PSEN1: variants seen among roughly 807,000 people sequenced by gnomAD.
PSEN1 encodes the protein presenilin-1.
PSEN1 carries 15 observed loss-of-function variants against 53.5 expected under a neutral mutation model. The observed-to-expected ratio is 0.28, with a 90% CI of 0.19 to 0.43. The LOEUF is 0.43. Ranked by LOEUF, PSEN1 falls within the 20% of genes least tolerant of loss-of-function variation. The pLI is 1.00. For synonymous variants in PSEN1, 208 were observed against 209.8 expected (o/e 0.99, Z 0.08); for missense variants, 387 against 571.2 (o/e 0.68, Z 3.29).
rs575633921 is a variant in PSEN1 at position 73,222,393 on chromosome 14, G to T, written c.*3104G>T. 6.6e-6 allele frequency: 1 copy of T among 152,222 alleles called. No individual in the cohort carries two copies. Among genetic ancestry groups the T allele is most frequent in the South Asian group, 2.1e-4 (1 of 4,824 alleles). The allele number at this position is 152,222 out of a possible 1,614,324, so 9.4% of individuals were successfully genotyped here. ...ATGATGTTTATTACTTGTTATTTACGTGGCCTCAGACAGTGTATGTATTCT... is the reference window on the plus strand; with the variant it reads ...ATGATGTTTATTACTTGTTATTTACTTGGCCTCAGACAGTGTATGTATTCT... On this transcript the variant is annotated 3_prime_UTR_variant, in exon 12 of 12. Transcript: ENST00000324501.
intron 5 of PSEN1, among the ~76,000 whole-genome samples, chr14:73,175,217 C>T (rs976446385): frequency 6.6e-6 from 1 of 152,110 alleles, no homozygotes; most frequent in African/African-American, 2.4e-5. Flanking sequence ...AGCTGTGCCT[C>T]CTGGGTTCAA....
chr14:73,172,871 A>G (rs1228843048), intron 4 of PSEN1, among the ~76,000 whole-genome samples: 1 of 152,150 alleles, frequency 6.6e-6, no homozygotes, highest in Non-Finnish European at 1.5e-5. Context: ...CTGGAGCCCT[A>G]GCCTTCATTC....
chr14:73,169,838 G>T (rs933520632), intron 3 of PSEN1, among the ~76,000 whole-genome samples: 9 of 152,122 alleles, frequency 5.9e-5, no homozygotes, highest in African/African-American at 2.2e-4. Context: ...TAGAGACGGG[G>T]TTTCACCATG....
chr14:73,162,979 T>G (rs1184996781), intron 3 of PSEN1, among the ~76,000 whole-genome samples: 1 of 152,236 alleles, frequency 6.6e-6, no homozygotes, highest in Non-Finnish European at 1.5e-5. Context: ...TTTTTAATTT[T>G]TGCTTTGCCT....
At chr14:73,195,580 T>G (rs1281531417) in intron 7 of PSEN1, among the ~76,000 whole-genome samples, 3 of 152,114 alleles carry the variant, frequency 2.0e-5, no homozygotes, top group African/African-American at 7.2e-5. Context: ...CTTAGAACAA[T>G]GTCTATCAGT....
chr14:73,142,182 G>T (rs904613378), intron 1 of PSEN1, among the ~76,000 whole-genome samples: 4 of 152,170 alleles, frequency 2.6e-5, no homozygotes, highest in African/African-American at 9.7e-5. Flanking sequence ...AAAAACTCAA[G>T]TAGAGGCTTT....
chr14:73,200,042 C>T (rs763206634), intron 8 of PSEN1, among the ~76,000 whole-genome samples: 12 of 152,134 alleles, frequency 7.9e-5, no homozygotes, highest in Non-Finnish European at 1.5e-4. Context: ...CCACCATGCC[C>T]GGCCACTGCT....
rs1438270186 is a variant in PSEN1 at position 73,221,234 on chromosome 14, C to T, written c.*1945C>T. Reference sequence around the variant, plus strand: ...TTCTATCATCTCAATTCATTTTTTTCCATGAAATCCCTTCTTCCAAGATTC... The same window carrying T: ...TTCTATCATCTCAATTCATTTTTTTTCATGAAATCCCTTCTTCCAAGATTC... On this transcript the variant is annotated 3_prime_UTR_variant, in exon 12 of 12. Coordinates refer to ENST00000324501, the MANE Select transcript of PSEN1 (RefSeq NM_000021.4). 6.6e-6 allele frequency: 1 copy of T among 152,114 alleles called. No homozygotes were observed. The highest frequency in any genetic ancestry group is 1.5e-5 in the Non-Finnish European group (1 of 68,028). The allele number at this position is 152,114 out of a possible 1,614,324, so 9.4% of individuals were successfully genotyped here. A position where few individuals can be genotyped will look rare whatever the true frequency, so the allele number is the denominator to read the frequency against.
At chr14:73,150,459 A>G (rs927666244) in intron 3 of PSEN1, among the ~76,000 whole-genome samples, 1 of 152,170 alleles carries the variant, frequency 6.6e-6, no homozygotes, top group Non-Finnish European at 1.5e-5. Context: ...TATGTAATAC[A>G]CTTGGCATGT....
chr14:73,190,761 G>A (rs752659541), intron 6 of PSEN1, among the ~76,000 whole-genome samples: 1 of 152,108 alleles, frequency 6.6e-6, no homozygotes, highest in Non-Finnish European at 1.5e-5. Context: ...GAACCATGGG[G>A]CACAGTGGGG....
At position 73,147,960 on chromosome 14, in the gene PSEN1, T is replaced by C; in HGVS notation, c.-53-7T>C. 1 of 1,373,188 alleles carries C rather than the reference T, an allele frequency of 7.3e-7. No homozygotes were observed. The highest frequency in any genetic ancestry group is 1.0e-6 in the Non-Finnish European group (1 of 963,146). The allele number at this position is 1,373,188 out of a possible 1,614,324, so 85.1% of individuals were successfully genotyped here. On this transcript the variant is annotated splice_region_variant and splice_polypyrimidine_tract_variant and intron_variant, in intron 2 of 11. Coordinates refer to ENST00000324501, the MANE Select transcript of PSEN1 (RefSeq NM_000021.4). ...GCACAAAGTTCTGTTTTTCTTTCCC[T>C]TTTCAGAACCTCAAGAGGCTTTGTT...
intron 8 of PSEN1, among the ~76,000 whole-genome samples, chr14:73,203,584 G>T (rs1899320355): frequency 6.6e-6 from 1 of 152,138 alleles, no homozygotes; most frequent in South Asian, 2.1e-4. Flanking sequence ...ATTCTTTCAT[G>T]CATTTTAATA....
At chr14:73,171,502 A>G (rs530634518) in intron 4 of PSEN1, among the ~76,000 whole-genome samples, 104 of 152,342 alleles carry the variant, frequency 6.8e-4, no homozygotes, top group African/African-American at 2.5e-3. Flanking sequence ...AGTTACTTCT[A>G]TATAGAAGGG....
At position 73,211,762 on chromosome 14, in the gene PSEN1, C is replaced by T. The variant is rs1393277802; in HGVS notation, c.956-7C>T. On this transcript the variant is annotated splice_polypyrimidine_tract_variant and splice_region_variant and intron_variant, in intron 9 of 11. Transcript: ENST00000324501. Reference sequence around the variant, plus strand: ...ATTAGAGCTGTAACTTCCACTTTCTCTTGAAGGCACAGAAAGGGAGTCACA... The same window carrying T: ...ATTAGAGCTGTAACTTCCACTTTCTTTTGAAGGCACAGAAAGGGAGTCACA... The T allele has an allele frequency of 1.2e-6, 2 of 1,613,916 alleles. No homozygotes were observed. Among genetic ancestry groups the T allele is most frequent in the East Asian group, 2.2e-5 (1 of 44,878 alleles).
chr14:73,218,919 A>T (rs1900037449), intron 11 of PSEN1, among the ~76,000 whole-genome samples: 1 of 152,246 alleles, frequency 6.6e-6, no homozygotes, highest in Non-Finnish European at 1.5e-5. Flanking sequence ...GGGATAAAAT[A>T]ACAATGTGTG....
At chr14:73,189,985 G>A (rs1467284001) in intron 6 of PSEN1, 2 of 154,944 alleles carry the variant, frequency 1.3e-5, no homozygotes, top group East Asian at 1.9e-4. Flanking sequence ...CAACGGGGTG[G>A]AGGGGTCTGA....
Position 73,147,954 on chromosome 14 carries a change from T to C in PSEN1, c.-53-13T>C. ...TGTAGTGCACAAAGTTCTGTTTTTC[T>C]TTCCCTTTTCAGAACCTCAAGAGGC... On this transcript the variant is annotated splice_polypyrimidine_tract_variant and intron_variant, in intron 2 of 11. Transcript: ENST00000324501. 2 of 1,284,236 alleles carry C rather than the reference T, an allele frequency of 1.6e-6. No individual in the cohort carries two copies. The highest frequency in any genetic ancestry group is 2.3e-6 in the Non-Finnish European group (2 of 883,492). 79.6% of individuals were successfully genotyped at this position (1,284,236 alleles called of 1,614,324 possible). A position where few individuals can be genotyped will look rare whatever the true frequency, so the allele number is the denominator to read the frequency against.
At chr14:73,205,834 T>C (rs952413951) in intron 8 of PSEN1, among the ~76,000 whole-genome samples, 4 of 152,242 alleles carry the variant, frequency 2.6e-5, no homozygotes. Flanking sequence ...TATATTGATA[T>C]ACATGTATTT....
intron 4 of PSEN1, 68 bp downstream of exon 4, chr14:73,171,115 A>G (rs1252370505): frequency 5.7e-6 from 9 of 1,581,214 alleles, no homozygotes; most frequent in Non-Finnish European, 7.8e-6. Context: ...TGTCATCATC[A>G]CCTTGAAGGC....
Sources: allele counts gnomAD v4.1 joint callset (sites outside exome capture counted in the v4.1 genomes callset), GRCh38; gene constraint gnomAD v4.1.1; transcripts MANE v1.5; gene names NCBI Gene and HGNC (gene_info 2026-07-23, HGNC 2026-07-21).